The following CDH11 variants were observed in gnomAD, a reference collection of about 807,000 sequenced individuals.
CDH11 encodes the protein cadherin-11.
CDH11 carries 11 observed loss-of-function variants against 67.8 expected under a neutral mutation model. The ratio of observed to expected loss-of-function variants is 0.16; its 90% CI spans 0.10 to 0.27. The LOEUF (loss-of-function observed/expected upper bound fraction) is 0.27, where lower values mean the gene tolerates loss of function less well. Ranked by LOEUF, CDH11 falls within the 10% of genes least tolerant of loss-of-function variation. The pLI, the probability that CDH11 is intolerant of heterozygous loss-of-function variation, is 1.00. For missense variants in CDH11, 847 were observed against 1,031.2 expected (o/e 0.82, Z 2.45); for synonymous variants, 419 against 400.0 (o/e 1.05, Z -0.57).
chr16:64,957,552 C>T (rs930943802), intron 11 of CDH11, among the ~76,000 whole-genome samples: 4 of 151,378 alleles, frequency 2.6e-5, no homozygotes, highest in Non-Finnish European at 5.9e-5. Context: ...GTGGCAATAG[C>T]TCTGCCAAGA....
In CDH11 at chr16:65,121,484, G is replaced by T. The variant is rs1285698867; in HGVS notation, c.-298+396C>A. The stretch of plus-strand genomic sequence containing the variant: ...GCGCAGGGCTGGCGGGCACCGCGCC[G>T]TGGGCGACTTTCCCCAGAGATATGA... On this transcript the variant is annotated intron_variant, in intron 1 of 12. Coordinates refer to ENST00000268603, the MANE Select transcript of CDH11 (RefSeq NM_001797.4). The surrounding 1 kb of genome is among the most constrained non-coding windows in gnomAD (Gnocchi z 4.1). Among the ~76,000 whole-genome samples, 1 of 152,164 alleles carries T rather than the reference G, an allele frequency of 6.6e-6. No individual in the cohort carries two copies. The highest frequency in any genetic ancestry group is 2.4e-5 in the African/African-American group (1 of 41,464).
At chr16:65,064,782 A>AT (rs1028882791) in intron 1 of CDH11, among the ~76,000 whole-genome samples, 7 of 152,314 alleles carry the variant, frequency 4.6e-5, no homozygotes, top group South Asian at 2.1e-4. Context: ...CTTCAAAAAT[A>AT]TTTTTTTAAA....
chr16:65,076,290 C>T (rs550050770), intron 1 of CDH11, among the ~76,000 whole-genome samples: 3 of 152,314 alleles, frequency 2.0e-5, no homozygotes, highest in South Asian at 4.2e-4. Flanking sequence ...AAAGGCATAA[C>T]TGCCTTTGCT....
chr16:65,002,533 G>A (rs1038281878), intron 3 of CDH11, among the ~76,000 whole-genome samples: 2 of 151,948 alleles, frequency 1.3e-5, no homozygotes, highest in Non-Finnish European at 2.9e-5. Context: ...CATTTCTCAC[G>A]TCAACTTCCA....
chr16:65,053,343 C>T (rs1425670390), intron 2 of CDH11, among the ~76,000 whole-genome samples: 3 of 152,076 alleles, frequency 2.0e-5, no homozygotes, highest in African/African-American at 4.8e-5. Flanking sequence ...GAAATCAGGC[C>T]TCCTGGCTCG....
At chr16:65,053,728 C>A in intron 2 of CDH11, 76 bp downstream of exon 2, 1 of 440,290 alleles carries the variant, frequency 2.3e-6, no homozygotes, top group South Asian at 1.6e-5. Context: ...ATTTGAGACA[C>A]AGACCCAGTG....
At chr16:64,981,832 CA>C (rs1478560782) in intron 8 of CDH11, 1 of 408,908 alleles carries the variant, frequency 2.4e-6, no homozygotes, top group Non-Finnish European at 4.3e-6. Context: ...TGCTCCAGAG[CA>C]AAGTCATGTA....
intron 1 of CDH11, among the ~76,000 whole-genome samples, chr16:65,056,302 CT>C (rs1176711110): frequency 6.6e-5 from 10 of 152,134 alleles, no homozygotes; most frequent in Non-Finnish European, 1.5e-4. Flanking sequence ...CTCTTTCAGC[CT>C]TCCAAGCTGA....
At chr16:65,008,590 G>A (rs965722704) in intron 2 of CDH11, among the ~76,000 whole-genome samples, 1 of 152,090 alleles carries the variant, frequency 6.6e-6, no homozygotes, top group East Asian at 1.9e-4. Flanking sequence ...TTCTCTTAAA[G>A]GATGAGGAAA....
At chr16:65,099,657 C>G (rs1220138247) in intron 1 of CDH11, among the ~76,000 whole-genome samples, 2 of 152,048 alleles carry the variant, frequency 1.3e-5, no homozygotes, top group Non-Finnish European at 2.9e-5. Context: ...CTTGATTAGA[C>G]CCAGAAAAGA....
intron 8 of CDH11, among the ~76,000 whole-genome samples, chr16:64,973,997 T>G (rs2142433464): frequency 6.6e-6 from 1 of 152,226 alleles, no homozygotes; most frequent in Non-Finnish European, 1.5e-5. Flanking sequence ...ACAGCACAGC[T>G]TGAAGATTTT....
At chr16:65,069,898 T>C (rs1232860677) in intron 1 of CDH11, among the ~76,000 whole-genome samples, 1 of 152,166 alleles carries the variant, frequency 6.6e-6, no homozygotes, top group Admixed American at 6.5e-5. Context: ...AGGGACACGG[T>C]GATGAACAAG....
upstream of CDH11, among the ~76,000 whole-genome samples, chr16:65,123,268 G>A (rs569927108): frequency 2.7e-3 from 413 of 152,138 alleles, no homozygotes; most frequent in Middle Eastern, 0.01. Flanking sequence ...GAGAGGAGGC[G>A]GAGGAAGGTG....
chr16:65,064,134 C>T (rs1368095454), intron 1 of CDH11, among the ~76,000 whole-genome samples: 1 of 152,124 alleles, frequency 6.6e-6, no homozygotes, highest in Non-Finnish European at 1.5e-5. Context: ...TCAAGATGGT[C>T]CTCAGAGAAG....
chr16:65,037,760 A>G (rs1042390517), intron 2 of CDH11, among the ~76,000 whole-genome samples: 1 of 152,054 alleles, frequency 6.6e-6, no homozygotes, highest in Admixed American at 6.6e-5. Flanking sequence ...ACCTGAGAGA[A>G]GAAACCCAAG....
At chr16:65,095,054 C>T (rs1212491436) in intron 1 of CDH11, among the ~76,000 whole-genome samples, 1 of 152,156 alleles carries the variant, frequency 6.6e-6, no homozygotes, top group East Asian at 1.9e-4. Flanking sequence ...CTCACCAGAA[C>T]CTGTGAAGTT....
At chr16:65,010,904 A>G (rs1289662737) in intron 2 of CDH11, among the ~76,000 whole-genome samples, 1 of 150,832 alleles carries the variant, frequency 6.6e-6, no homozygotes, top group Non-Finnish European at 1.5e-5. Context: ...AGGGCTTGGT[A>G]CATATTATTT....
intron 3 of CDH11, among the ~76,000 whole-genome samples, chr16:65,004,021 G>T (rs984319158): frequency 7.9e-5 from 12 of 151,658 alleles, no homozygotes; most frequent in African/African-American, 2.7e-4. Context: ...CTGGAAAATG[G>T]TTAAATAAAT....
At chr16:64,976,141 A>T (rs561736794) in intron 8 of CDH11, among the ~76,000 whole-genome samples, 3 of 152,310 alleles carry the variant, frequency 2.0e-5, no homozygotes, top group African/African-American at 7.2e-5. Flanking sequence ...GCAGAGTTAG[A>T]GTTGGGGAGA....
Sources: allele counts gnomAD v4.1 joint callset (sites outside exome capture counted in the v4.1 genomes callset), GRCh38; gene constraint gnomAD v4.1.1; non-coding constraint Gnocchi (gnomAD v3.1); transcripts MANE v1.5; gene names NCBI Gene and HGNC (gene_info 2026-07-23, HGNC 2026-07-21).